The following CYP2C19 variants were observed in gnomAD, a reference collection of about 807,000 sequenced individuals.
CYP2C19 encodes the protein cytochrome P450 2C19.
Under a neutral mutation model 40.9 loss-of-function variants are expected in CYP2C19, and 59 were observed. That is an observed-to-expected ratio of 1.44 (90% CI 1.17 to 1.79). The LOEUF (loss-of-function observed/expected upper bound fraction) is 1.79, where lower values mean the gene tolerates loss of function less well. CYP2C19 is among the 40% of genes most tolerant of loss of function. CYP2C19 has a pLI of 0.00. For synonymous variants in CYP2C19, 253 were observed against 208.7 expected (o/e 1.21, Z -1.83); for missense variants, 754 against 596.9 (o/e 1.26, Z -2.74).
chr10:94,849,828 A>G (rs1311315853), intron 7 of CYP2C19, 89 bp from the exon 8 acceptor site: 7 of 1,499,674 alleles, frequency 4.7e-6, no homozygotes, highest in South Asian at 1.1e-5. Context: ...TCATCTGTAC[A>G]TCAAAAGATT....
intron 5 of CYP2C19, among the ~76,000 whole-genome samples, chr10:94,793,434 G>A (rs559639196): frequency 1.3e-3 from 194 of 152,258 alleles, no homozygotes; most frequent in African/African-American, 4.5e-3. Flanking sequence ...GAGAAGAGGT[G>A]CTCTGATTTT....
chr10:94,813,707 C>T lies in CYP2C19; in HGVS notation c.820-6789C>T, dbSNP rs1848960295. Among the ~76,000 whole-genome samples the T allele has an allele frequency of 2.0e-5, 3 of 151,524 alleles. No homozygotes were observed. The South Asian group carries it at 6.3e-4, about 32-fold the overall frequency. On this transcript the variant is annotated intron_variant, in intron 5 of 8. Coordinates refer to ENST00000371321, the MANE Select transcript of CYP2C19 (RefSeq NM_000769.4). ...CAAACAGAAGTTCAAGCCAGTGGAT[C>T]TTAGCTTGCTGGGCTCCATGGGGGT...
chr10:94,852,814 T>G lies in CYP2C19; in HGVS notation c.1373T>G (p.Leu458Arg), dbSNP rs761587034. The change falls in exon 9 of 9, where the codon CTG (leucine) becomes CGG (arginine). Residue 458 changes from leucine to arginine, a missense_variant. Transcript: ENST00000371321. ...ACCTTCATTTTACAGAACTTTAACC[T>G]GAAATCTCTGATTGACCCAAAGGAC... is the stretch of plus-strand genomic sequence containing the variant. ...FLTFILQNFN[L>R]KSLIDPKDLD... 6.5e-5 allele frequency: 105 copies of G among 1,613,984 alleles called. No individual in the cohort carries two copies. The highest frequency in any genetic ancestry group is 8.9e-5 in the Non-Finnish European group (105 of 1,179,980).
intron 5 of CYP2C19, among the ~76,000 whole-genome samples, chr10:94,801,855 TG>T (rs1160033367): frequency 6.6e-6 from 1 of 152,220 alleles, no homozygotes; most frequent in African/African-American, 2.4e-5. Flanking sequence ...GGTGCGTTCG[TG>T]GTCTTGTTGA....
chr10:94,774,159 T>G (rs1481907445), intron 1 of CYP2C19: 1 of 152,164 alleles, frequency 6.6e-6, no homozygotes, highest in African/African-American at 2.4e-5. Flanking sequence ...CCTCTCAGTT[T>G]AGTTGTGTAC....
intron 3 of CYP2C19, among the ~76,000 whole-genome samples, chr10:94,776,923 T>C (rs1395384919): frequency 6.6e-6 from 1 of 152,084 alleles, no homozygotes; most frequent in Admixed American, 6.5e-5. Flanking sequence ...TCCCCAAAAC[T>C]GTTCATGCTA....
rs186409904 is a variant in CYP2C19, at chr10:94,822,573, G to A, written c.961+1936G>A. On this transcript the variant is annotated intron_variant, in intron 6 of 8. Transcript: ENST00000371321. ...TCTTTTTGATAGAATGAATTTTTTT[G>A]GGGGGGCATATACTCAATAGTTGGA... is the stretch of plus-strand genomic sequence containing the variant. Among the ~76,000 whole-genome samples, 4 of 152,046 alleles carry A rather than the reference G, an allele frequency of 2.6e-5. No homozygotes were observed. The East Asian group carries it at 7.7e-4, about 29-fold the overall frequency.
intron 7 of CYP2C19, among the ~76,000 whole-genome samples, chr10:94,844,853 A>G (rs940208465): frequency 3.3e-5 from 5 of 152,214 alleles, no homozygotes; most frequent in African/African-American, 1.2e-4. Context: ...TTAATGAGAA[A>G]TATACTGAAG....
intron 5 of CYP2C19, among the ~76,000 whole-genome samples, chr10:94,792,206 A>G (rs908393446): frequency 1.3e-5 from 2 of 151,844 alleles, no homozygotes; most frequent in African/African-American, 2.4e-5. Flanking sequence ...TTTGCTTTCC[A>G]TTTACTTGGT....
At chr10:94,831,461 T>A (rs2134278257) in intron 6 of CYP2C19, among the ~76,000 whole-genome samples, 2 of 152,322 alleles carry the variant, frequency 1.3e-5, no homozygotes, top group South Asian at 4.1e-4. Flanking sequence ...ATTTTTAGTT[T>A]TTTGAGGAAC....
At chr10:94,801,457 A>T (rs1848764478) in intron 5 of CYP2C19, among the ~76,000 whole-genome samples, 1 of 152,122 alleles carries the variant, frequency 6.6e-6, no homozygotes, top group African/African-American at 2.4e-5. Flanking sequence ...GGTTTGAGAG[A>T]CTGTTTGTTA....
chr10:94,842,378 GT>G (rs889865704), intron 6 of CYP2C19, among the ~76,000 whole-genome samples: 1 of 77,926 alleles, frequency 1.3e-5, no homozygotes, highest in African/African-American at 5.1e-5. Context: ...GTCTATGTGT[GT>G]TTTTTTAAGT....
intron 5 of CYP2C19, among the ~76,000 whole-genome samples, chr10:94,790,307 T>A (rs1029601183): frequency 1.3e-5 from 2 of 152,140 alleles, no homozygotes; most frequent in Non-Finnish European, 2.9e-5. Context: ...ACAATTTGAC[T>A]TCCTCTTTTC....
rs1589354610 is a variant in CYP2C19, at chr10:94,792,424, A to C, written c.819+10427A>C. Among the ~76,000 whole-genome samples the C allele has an allele frequency of 2.0e-5, 3 of 152,208 alleles. No homozygotes were observed. The South Asian group carries it at 6.2e-4, about 32-fold the overall frequency. ...ATGTTAGCTGGTTATTTTGCTTGTT[A>C]GTTGGCTCAGTTTCTTCCTAGCAAT... On this transcript the variant is annotated intron_variant, in intron 5 of 8. Transcript: ENST00000371321.
chr10:94,830,602 A>T (rs887793650), intron 6 of CYP2C19, among the ~76,000 whole-genome samples: 1 of 152,184 alleles, frequency 6.6e-6, no homozygotes, highest in Non-Finnish European at 1.5e-5. Flanking sequence ...GGAAATGCAG[A>T]AATCACCCAT....
At chr10:94,816,539 T>C (rs1327867216) in intron 5 of CYP2C19, among the ~76,000 whole-genome samples, 2 of 152,134 alleles carry the variant, frequency 1.3e-5, no homozygotes, top group Non-Finnish European at 2.9e-5. Context: ...TATTTATTTT[T>C]TTAATTTTTA....
chr10:94,841,552 T>G (rs1849495507), intron 6 of CYP2C19, among the ~76,000 whole-genome samples: 1 of 152,216 alleles, frequency 6.6e-6, no homozygotes, highest in Non-Finnish European at 1.5e-5. Flanking sequence ...CATTTGCTCT[T>G]GCTTATCTAA....
chr10:94,807,607 A>T (rs549313162), intron 5 of CYP2C19, among the ~76,000 whole-genome samples: 30 of 152,222 alleles, frequency 2.0e-4, no homozygotes, highest in African/African-American at 6.5e-4. Context: ...CTGATATCTC[A>T]TTGTGGCTTT....
intron 5 of CYP2C19, among the ~76,000 whole-genome samples, chr10:94,782,241 T>A (rs1037855748): frequency 6.6e-6 from 1 of 152,086 alleles, no homozygotes; most frequent in Non-Finnish European, 1.5e-5. Context: ...ACAATAAGGA[T>A]GTCAGGATAG....
Sources: gnomAD v4.1 joint callset for allele counts (sites outside exome capture counted in the v4.1 genomes callset) on GRCh38, gnomAD v4.1.1 for gene constraint, MANE v1.5 for transcripts, NCBI Gene and HGNC (gene_info 2026-07-23, HGNC 2026-07-21) for gene names.